Variants in CSNK1G3 observed in about 807,000 individuals in gnomAD.
CSNK1G3 encodes casein kinase I isoform gamma-3.
A neutral mutation model predicts 64.3 loss-of-function variants in CSNK1G3; 23 were observed. The ratio of observed to expected loss-of-function variants is 0.36; its 90% confidence interval spans 0.26 to 0.51. The LOEUF is 0.51. CSNK1G3 is among the 20% of genes least tolerant of loss of function. The pLI is 0.96. For missense variants in CSNK1G3, 357 were observed against 510.5 expected, an observed-to-expected ratio of 0.70 and a Z score of 2.90; for synonymous variants, 158 against 162.2, an observed-to-expected ratio of 0.97 and a Z score of 0.20.
At chr5:123,593,000 C>T (rs1035646552) in intron 10 of CSNK1G3, among the ~76,000 whole-genome samples, 3 of 151,878 alleles carry the variant, frequency 2.0e-5, no homozygotes, top group African/African-American at 7.3e-5. Context: ...CTTTGAAATT[C>T]TCCACTTGAG....
intron 6 of CSNK1G3, among the ~76,000 whole-genome samples, chr5:123,583,720 C>T (rs1233396696): frequency 1.3e-5 from 2 of 151,920 alleles, no homozygotes; most frequent in African/African-American, 4.8e-5. Context: ...TGCTCTGTCA[C>T]CCAGGCTGGA....
At chr5:123,553,867 T>G (rs1784141916) in intron 3 of CSNK1G3, among the ~76,000 whole-genome samples, 1 of 152,248 alleles carries the variant, frequency 6.6e-6, no homozygotes, top group South Asian at 2.1e-4. Context: ...GTTTATAGAT[T>G]TGGAACTTTT....
At chr5:123,530,196 T>G (rs1779703341) in intron 1 of CSNK1G3, among the ~76,000 whole-genome samples, 1 of 152,120 alleles carries the variant, frequency 6.6e-6, no homozygotes, top group African/African-American at 2.4e-5. Flanking sequence ...CTTGTGAAAT[T>G]GAGAATAGAA....
chr5:123,609,378 G>A (rs1382829850), intron 12 of CSNK1G3, among the ~76,000 whole-genome samples: 2 of 152,126 alleles, frequency 1.3e-5, no homozygotes, highest in Non-Finnish European at 2.9e-5. Flanking sequence ...TATGAAACTA[G>A]ATGGATAATT....
At chr5:123,590,610 AT>A in intron 9 of CSNK1G3, 52 bp downstream of exon 9, 1 of 1,058,988 alleles carries the variant, frequency 9.4e-7, no homozygotes, top group Non-Finnish European at 1.3e-6. Context: ...TGCCTTTTTA[AT>A]AGTACAATAT....
At chr5:123,564,673 G>A (rs941972153) in intron 4 of CSNK1G3, among the ~76,000 whole-genome samples, 6 of 152,048 alleles carry the variant, frequency 3.9e-5, no homozygotes, top group African/African-American at 1.2e-4. Context: ...AATGTTGTTT[G>A]AATGTTAGAA....
chr5:123,591,314 T>C lies in CSNK1G3; in HGVS notation c.991-5T>C, dbSNP rs374263546. The C allele has an allele frequency of 8.9e-4, 1,411 of 1,577,854 alleles. No homozygotes were observed. Among genetic ancestry groups the C allele is most frequent in the Non-Finnish European group, 1.2e-3 (1,354 of 1,156,144 alleles). ...GTATTGATACCAATTGTTATTGTATTGTAGCCTACTCCAGTGGGTGCAGTT... is the reference window on the plus strand; with the variant it reads ...GTATTGATACCAATTGTTATTGTATCGTAGCCTACTCCAGTGGGTGCAGTT... On this transcript the variant is annotated splice_region_variant and splice_polypyrimidine_tract_variant and intron_variant, in intron 9 of 12. Coordinates refer to ENST00000345990, the Ensembl canonical transcript of CSNK1G3.
chr5:123,532,051 TA>T lies in CSNK1G3; in HGVS notation c.-247-13365del, dbSNP rs1458864259. 5.3e-5 allele frequency among the ~76,000 whole-genome samples: 8 copies of T among 151,890 alleles called. No homozygotes were observed. In the South Asian group the frequency reaches 8.3e-4, roughly 16 times the overall value. ...GACTGCATCTGCAGGTATAATACAA[TA>T]TTAAGATTACTCTTAATTTTTAAGA... is the stretch of plus-strand genomic sequence containing the variant. On this transcript the variant is annotated intron_variant, in intron 1 of 12. Coordinates refer to ENST00000345990, the Ensembl canonical transcript of CSNK1G3.
intron 1 of CSNK1G3, among the ~76,000 whole-genome samples, chr5:123,524,883 G>A (rs112150119): frequency 2.2e-3 from 341 of 152,146 alleles, no homozygotes; most frequent in African/African-American, 7.9e-3. Context: ...TGGGTGGGGG[G>A]GAGCACTGGT....
chr5:123,578,932 A>G (rs1789699684), intron 6 of CSNK1G3, among the ~76,000 whole-genome samples: 1 of 152,004 alleles, frequency 6.6e-6, no homozygotes, highest in Non-Finnish European at 1.5e-5. Context: ...AAACTTAATT[A>G]TCTGCTTTTA....
At chr5:123,570,244 A>G (rs1581187710) in intron 4 of CSNK1G3, among the ~76,000 whole-genome samples, 1 of 152,146 alleles carries the variant, frequency 6.6e-6, no homozygotes, top group African/African-American at 2.4e-5. Flanking sequence ...ACCAAAACAT[A>G]CTGCTATCTA....
At chr5:123,607,362 G>A (rs768761285) in intron 12 of CSNK1G3, among the ~76,000 whole-genome samples, 1 of 152,114 alleles carries the variant, frequency 6.6e-6, no homozygotes, top group Non-Finnish European at 1.5e-5. Context: ...TTCATCCTCA[G>A]ATTCCTAGTG....
At chr5:123,605,979 G>A (rs1345038925) in intron 12 of CSNK1G3, among the ~76,000 whole-genome samples, 1 of 152,036 alleles carries the variant, frequency 6.6e-6, no homozygotes, top group African/African-American at 2.4e-5. Context: ...GTAATACTGT[G>A]CTTAAAATGC....
At chr5:123,596,498 G>C (rs925537314) in intron 10 of CSNK1G3, among the ~76,000 whole-genome samples, 6 of 152,014 alleles carry the variant, frequency 3.9e-5, no homozygotes, top group Admixed American at 2.0e-4. Flanking sequence ...TACCATTTCT[G>C]TACCATTACC....
intron 6 of CSNK1G3, among the ~76,000 whole-genome samples, chr5:123,586,235 G>A (rs1313234072): frequency 6.6e-6 from 1 of 152,148 alleles, no homozygotes; most frequent in East Asian, 1.9e-4. Flanking sequence ...AGGCAGATAA[G>A]TGGTTGCCTG....
At chr5:123,545,979 A>G in intron 2 of CSNK1G3, 138 bp downstream of exon 2, 1 of 798,572 alleles carries the variant, frequency 1.3e-6, no homozygotes, top group East Asian at 2.7e-5. Flanking sequence ...AGATGTTGGA[A>G]ATTTCTTTTG....
chr5:123,523,676 A>C (rs1396624313), intron 1 of CSNK1G3, among the ~76,000 whole-genome samples: 1 of 152,228 alleles, frequency 6.6e-6, no homozygotes, highest in Non-Finnish European at 1.5e-5. Flanking sequence ...AAATGCCACA[A>C]TAAAATTGGT....
intron 10 of CSNK1G3, among the ~76,000 whole-genome samples, chr5:123,593,269 A>G (rs1390313155): frequency 6.6e-6 from 1 of 151,654 alleles, no homozygotes; most frequent in Non-Finnish European, 1.5e-5. Flanking sequence ...ATAGGCTTAT[A>G]TATTGAATTT....
intron 1 of CSNK1G3, among the ~76,000 whole-genome samples, chr5:123,538,265 A>G (rs141381282): frequency 6.9e-4 from 105 of 152,274 alleles, no homozygotes; most frequent in African/African-American, 2.5e-3. Flanking sequence ...CCTTTTTTCC[A>G]AAGTCATACT....
Sources: allele counts gnomAD v4.1 joint callset (sites outside exome capture counted in the v4.1 genomes callset), GRCh38; gene constraint gnomAD v4.1.1; transcripts MANE v1.5; gene names NCBI Gene and HGNC (gene_info 2026-07-23, HGNC 2026-07-21).